The following DLG2 variants were observed in gnomAD, a reference collection of about 807,000 sequenced individuals.
The protein encoded by DLG2 is discs large MAGUK scaffold protein 2, also known as disks large homolog 2.
In DLG2, 45 loss-of-function variants were observed where a neutral mutation model predicts 132.5. The ratio of observed to expected loss-of-function variants is 0.34; its 90% CI spans 0.27 to 0.44. The LOEUF (loss-of-function observed/expected upper bound fraction) is 0.44, where lower values mean the gene tolerates loss of function less well. Among genes scored for constraint, DLG2 ranks in the 20% least tolerant of loss-of-function variants. The pLI is 1.00. For synonymous variants in DLG2, 424 were observed against 419.6 expected (o/e 1.01, Z -0.13); for missense variants, 1,045 against 1,196.9 (o/e 0.87, Z 1.87).
intron 10 of DLG2, among the ~76,000 whole-genome samples, chr11:84,092,201 G>C (rs906650008): frequency 6.6e-6 from 1 of 152,208 alleles, no homozygotes. Flanking sequence ...GAAGGAAAGG[G>C]ATGTAGGTTA....
At chr11:84,233,350 C>T (rs1021225323) in intron 8 of DLG2, among the ~76,000 whole-genome samples, 14 of 152,086 alleles carry the variant, frequency 9.2e-5, no homozygotes, top group African/African-American at 3.4e-4. Context: ...AAAACGCAGC[C>T]CAAGAAATTA....
chr11:85,527,398 C>G (rs2074856424), intron 3 of DLG2, among the ~76,000 whole-genome samples: 1 of 151,980 alleles, frequency 6.6e-6, no homozygotes, highest in Non-Finnish European at 1.5e-5. Flanking sequence ...TCCCTGTGTC[C>G]ACATGTTGTC....
At chr11:84,609,003 A>T (rs2099590621) in intron 6 of DLG2, among the ~76,000 whole-genome samples, 2 of 152,188 alleles carry the variant, frequency 1.3e-5, no homozygotes, top group African/African-American at 2.4e-5. Context: ...ATTGAAACAG[A>T]GGCAGTTTGG....
intron 4 of DLG2, among the ~76,000 whole-genome samples, chr11:85,178,003 G>A (rs1238395118): frequency 6.6e-6 from 1 of 152,010 alleles, no homozygotes; most frequent in African/African-American, 2.4e-5. Flanking sequence ...AAGGTAGACT[G>A]AGAAATATTC....
At chr11:83,819,469 C>CAAAAAAAAAAAAAA (rs398016925) in intron 17 of DLG2, among the ~76,000 whole-genome samples, 8 of 28,098 alleles carry the variant, frequency 2.8e-4, no homozygotes, top group Non-Finnish European at 4.3e-4. Flanking sequence ...GACTCTATCT[C>CAAAAAAAAAAAAAA]AAAAAAAAAA....
intron 21 of DLG2, among the ~76,000 whole-genome samples, chr11:83,507,608 G>T (rs920306362): frequency 6.9e-6 from 1 of 144,294 alleles, no homozygotes. Flanking sequence ...AGGATATATA[G>T]ATATATATAA....
chr11:85,462,642 G>A (rs2092654076), intron 3 of DLG2, among the ~76,000 whole-genome samples: 3 of 151,976 alleles, frequency 2.0e-5, no homozygotes, highest in South Asian at 2.1e-4. Flanking sequence ...CACACACCGG[G>A]GCCTGTTGTG....
chr11:84,918,500 C>G (rs545580176), intron 6 of DLG2, among the ~76,000 whole-genome samples: 2 of 152,158 alleles, frequency 1.3e-5, no homozygotes, highest in South Asian at 2.1e-4. Context: ...CACAGGAAAA[C>G]AACTCTAGAA....
intron 6 of DLG2, among the ~76,000 whole-genome samples, chr11:84,618,340 A>G (rs1173363929): frequency 6.6e-6 from 1 of 152,094 alleles, no homozygotes; most frequent in African/African-American, 2.4e-5. Flanking sequence ...CACTTCCGTC[A>G]TTACAGCACA....
At chr11:84,791,179 A>C (rs1486934386) in intron 6 of DLG2, among the ~76,000 whole-genome samples, 1 of 152,158 alleles carries the variant, frequency 6.6e-6, no homozygotes, top group Non-Finnish European at 1.5e-5. Context: ...GGATAACAGC[A>C]TGGGGAAAAC....
intron 11 of DLG2, among the ~76,000 whole-genome samples, chr11:83,997,295 C>T (rs1474688985): frequency 2.0e-5 from 3 of 152,134 alleles, no homozygotes; most frequent in African/African-American, 7.2e-5. Context: ...ACACATTTTT[C>T]TTTCTACAAA....
intron 6 of DLG2, among the ~76,000 whole-genome samples, chr11:84,858,403 T>C (rs889041375): frequency 6.6e-6 from 1 of 151,970 alleles, no homozygotes; most frequent in Non-Finnish European, 1.5e-5. Flanking sequence ...TCTGGGAAGA[T>C]GGTAGAGTGA....
chr11:84,413,301 C>A (rs149087585), intron 7 of DLG2, among the ~76,000 whole-genome samples: 2 of 152,226 alleles, frequency 1.3e-5, no homozygotes, highest in African/African-American at 2.4e-5. Flanking sequence ...GCAGAAAGCA[C>A]GGAGTCAAAT....
chr11:84,867,980 A>G (rs2084858182), intron 6 of DLG2, among the ~76,000 whole-genome samples: 1 of 151,996 alleles, frequency 6.6e-6, no homozygotes, highest in Admixed American at 6.6e-5. Flanking sequence ...AGGCCGAGGC[A>G]GGAGAATGGC....
chr11:84,355,002 T>C (rs933060865), intron 7 of DLG2, among the ~76,000 whole-genome samples: 5 of 152,048 alleles, frequency 3.3e-5, no homozygotes, highest in Non-Finnish European at 5.9e-5. Context: ...AAGCATGACT[T>C]CTCTCCTGAA....
chr11:84,197,492 T>G (rs1211355642), intron 8 of DLG2, among the ~76,000 whole-genome samples: 1 of 152,160 alleles, frequency 6.6e-6, no homozygotes, highest in Non-Finnish European at 1.5e-5. Context: ...AAGAATGACA[T>G]CATGATTCCC....
chr11:84,029,851 C>A (rs2095644285), intron 11 of DLG2, among the ~76,000 whole-genome samples: 2 of 152,124 alleles, frequency 1.3e-5, no homozygotes, highest in African/African-American at 4.8e-5. Context: ...AAACAACATA[C>A]TTAAGGAAAT....
At chr11:85,239,335 T>A (rs2075759939) in intron 4 of DLG2, among the ~76,000 whole-genome samples, 1 of 152,126 alleles carries the variant, frequency 6.6e-6, no homozygotes, top group Non-Finnish European at 1.5e-5. Flanking sequence ...ATGTATGGTC[T>A]ATAAATGTTT....
intron 19 of DLG2, among the ~76,000 whole-genome samples, chr11:83,602,531 G>A (rs1325593776): frequency 6.6e-6 from 1 of 152,222 alleles, no homozygotes; most frequent in Non-Finnish European, 1.5e-5. Context: ...CTCCCTGCAG[G>A]AGAAAACGTT....
Sources: allele counts gnomAD v4.1 joint callset (sites outside exome capture counted in the v4.1 genomes callset), GRCh38; gene constraint gnomAD v4.1.1; transcripts MANE v1.5; gene names NCBI Gene and HGNC (gene_info 2026-07-23, HGNC 2026-07-21).